Variants in NLRP3 observed in about 807,000 individuals in gnomAD.
NLRP3 encodes NLR family pyrin domain containing 3, also known as NACHT, LRR and PYD domains-containing protein 3.
NLRP3 carries 48 observed loss-of-function variants against 91.3 expected under a neutral mutation model. The ratio of observed to expected loss-of-function variants is 0.53; its 90% confidence interval spans 0.42 to 0.67. The LOEUF (loss-of-function observed/expected upper bound fraction) is 0.67. Ranked by LOEUF, NLRP3 falls within the 30% of genes least tolerant of loss-of-function variation. The pLI, the probability that NLRP3 is intolerant of heterozygous loss-of-function variation, is 0.00. For synonymous variants in NLRP3, 561 were observed against 507.9 expected, an observed-to-expected ratio of 1.10 and a Z score of -1.41; for missense variants, 982 against 1,276.9, an observed-to-expected ratio of 0.77 and a Z score of 3.52.
At chr1:247,440,266 C>G (rs1664117931) in intron 7 of NLRP3, among the ~76,000 whole-genome samples, 1 of 152,094 alleles carries the variant, frequency 6.6e-6, no homozygotes, top group Non-Finnish European at 1.5e-5. Context: ...AATTATCATA[C>G]CCCACCTTCC....
rs1209804180 is a variant in NLRP3, at chr1:247,419,162, A to ATTTTTT, written c.277+86_277+87insTTTTTT. 146 of 248,030 alleles carry ATTTTTT rather than the reference A, an allele frequency of 5.9e-4. No individual in the cohort carries two copies. The African/African-American group carries it at 6.1e-3, about 10-fold the overall frequency. 15.4% of individuals were successfully genotyped at this position (248,030 alleles called of 1,614,324 possible). ...TCCATCTTTATATATATATATATAT[A>ATTTTTT]TATTTTTTTTTGAGACGGAGTTGCT... On this transcript the variant is annotated intron_variant, in intron 2 of 9. Transcript: ENST00000336119.
intron 9 of NLRP3, among the ~76,000 whole-genome samples, chr1:247,447,092 C>T (rs1182441794): frequency 6.6e-6 from 1 of 152,228 alleles, no homozygotes; most frequent in East Asian, 1.9e-4. Context: ...ATGCAATCAA[C>T]CCGTTTTCTC....
chr1:247,427,030 C>T (rs1173466200), intron 4 of NLRP3, among the ~76,000 whole-genome samples: 1 of 152,168 alleles, frequency 6.6e-6, no homozygotes, highest in Non-Finnish European at 1.5e-5. Flanking sequence ...GGCTGGTTGG[C>T]TTATAAGCAA....
intron 3 of NLRP3, 41 bp downstream of exon 3, chr1:247,423,390 C>T: frequency 1.2e-6 from 2 of 1,612,246 alleles, no homozygotes; most frequent in Non-Finnish European, 1.7e-6. Flanking sequence ...GTTTTAAGAC[C>T]TGGTTCAGGA....
Position 247,424,934 on chromosome 1 carries a change from G to A in NLRP3, c.1485G>A (p.Ala495=), listed in dbSNP as rs373973057. 1.5e-5 allele frequency: 24 copies of A among 1,613,584 alleles called. No homozygotes were observed. Among genetic ancestry groups the A allele is most frequent in the East Asian group, 8.9e-5 (4 of 44,898 alleles). Residue 495 remains alanine, a synonymous_variant, in exon 4 of 10, where the codon GCG becomes GCA. Transcript: ENST00000336119. The surrounding 1 kb of genome is among the most constrained non-coding windows in gnomAD (Gnocchi z 8.1). The part of the protein sequence containing the change: ...SDLRNHGLQK[A]DVSAFLRMNL... ...TCAGGAATCATGGACTGCAGAAGGC[G>A]GATGTGTCTGCTTTCCTGAGGATGA...
Position 247,448,719 on chromosome 1 carries a change from G to A in NLRP3, c.*215G>A. On this transcript the variant is annotated 3_prime_UTR_variant, in exon 10 of 10. Transcript: ENST00000336119. ...TGAGGAAGACACCAGGACAATGACA[G>A]CATCGGGTGTTGTTGTCATCACAGC... 1.6e-6 allele frequency: 1 copy of A among 606,170 alleles called. No homozygotes were observed. Among genetic ancestry groups the A allele is most frequent in the Admixed American group, 2.6e-5 (1 of 37,934 alleles). 37.5% of individuals were successfully genotyped at this position (606,170 alleles called of 1,614,324 possible). A position where few individuals can be genotyped will look rare whatever the true frequency, so the allele number is the denominator to read the frequency against.
chr1:247,417,285 A>G (rs1381068629), intron 1 of NLRP3, among the ~76,000 whole-genome samples: 1 of 152,022 alleles, frequency 6.6e-6, no homozygotes, highest in African/African-American at 2.4e-5. Flanking sequence ...TAGTCCCCCT[A>G]AGACTCAGTT....
chr1:247,424,117 A>AG lies in NLRP3; in HGVS notation c.673dup (p.Ala225GlyfsTer28). 1 of 1,614,056 alleles carries AG rather than the reference A, an allele frequency of 6.2e-7. No individual in the cohort carries two copies. Among genetic ancestry groups the AG allele is most frequent in the Non-Finnish European group, 8.5e-7 (1 of 1,180,006 alleles). ...GAGCCTGTGCACACCGTGGTGTTCC[A>AG]GGGGGCGGCAGGGATTGGGAAAACA... On this transcript the variant is annotated frameshift_variant, in exon 4 of 10. Transcript: ENST00000336119. LOFTEE classifies it high-confidence loss of function. The surrounding 1 kb of genome is among the most constrained non-coding windows in gnomAD (Gnocchi z 8.1).
intron 5 of NLRP3, among the ~76,000 whole-genome samples, chr1:247,431,779 G>A (rs541477464): frequency 2.6e-5 from 4 of 152,278 alleles, no homozygotes; most frequent in African/African-American, 9.6e-5. Flanking sequence ...AATGCTTTCT[G>A]TCTGCTCTGC....
At chr1:247,444,894 C>T in intron 9 of NLRP3, 73 bp downstream of exon 9, 2 of 1,501,138 alleles carry the variant, frequency 1.3e-6, no homozygotes, top group Non-Finnish European at 1.8e-6. Context: ...TATCAAAATC[C>T]AGGATGGCTC....
chr1:247,437,350 G>T lies in NLRP3; in HGVS notation c.2663+1210G>T, dbSNP rs193272023. Among the ~76,000 whole-genome samples the T allele has an allele frequency of 8.5e-5, 13 of 152,260 alleles. No individual in the cohort carries two copies. The East Asian group carries it at 2.3e-3, about 27-fold the overall frequency. On this transcript the variant is annotated intron_variant, in intron 7 of 9. Coordinates refer to ENST00000336119, the MANE Select transcript of NLRP3 (RefSeq NM_001243133.2). Reference sequence around the variant, plus strand: ...ATTCAAGACAAAATTTGGCAGGAAAGGTCTTCCCAGAGGAGTAATCCACTA... The same window carrying T: ...ATTCAAGACAAAATTTGGCAGGAAATGTCTTCCCAGAGGAGTAATCCACTA...
At chr1:247,429,830 G>A (rs1160936466) in intron 5 of NLRP3, 75 bp downstream of exon 5, 1 of 1,549,564 alleles carries the variant, frequency 6.5e-7, no homozygotes, top group African/African-American at 1.4e-5. Flanking sequence ...ACTGGAGAAA[G>A]ATCTTCAGGA....
At position 247,423,832 on chromosome 1, in the gene NLRP3, C is replaced by T. The variant is rs200906786; in HGVS notation, c.398-15C>T. 7.9e-5 allele frequency: 128 copies of T among 1,612,422 alleles called. No individual in the cohort carries two copies. Among genetic ancestry groups the T allele is most frequent in the Admixed American group, 8.4e-5 (5 of 59,860 alleles). On this transcript the variant is annotated splice_polypyrimidine_tract_variant and intron_variant, in intron 3 of 9. Coordinates refer to ENST00000336119, the MANE Select transcript of NLRP3 (RefSeq NM_001243133.2). The stretch of plus-strand genomic sequence containing the variant: ...GTGTGTATACTTTCCCCCTAACTTC[C>T]TGTCTTTGCCGTAGATTACCGTAAG...
chr1:247,444,019 C>T lies in NLRP3; in HGVS notation c.2711C>T (p.Ser904Leu), dbSNP rs200590698. 18 of 1,614,008 alleles carry T rather than the reference C, an allele frequency of 1.1e-5. No individual in the cohort carries two copies. Among genetic ancestry groups the T allele is most frequent in the South Asian group, 4.4e-5 (4 of 91,072 alleles). Residue 904 changes from serine (S) to leucine (L), a missense_variant, in exon 8 of 10, where the codon TCG becomes TTG. By Grantham distance (145) the Ser-to-Leu change is moderately radical. Around this residue, in one of 5 missense-constraint regions of NLRP3, gnomAD observed 373 missense variants for 431.5 expected, o/e 0.86. Coordinates refer to ENST00000336119, the MANE Select transcript of NLRP3 (RefSeq NM_001243133.2). Reference protein sequence around the residue: ...LTSVCCSALSSVLSTNQNLTH... With the variant: ...LTSVCCSALSLVLSTNQNLTH... ...TCAGTCTGTTGTTCAGCTTTGTCCT[C>T]GGTACTCAGCACTAATCAGAATCTC...
At chr1:247,433,422 G>T (rs905874029) in intron 5 of NLRP3, among the ~76,000 whole-genome samples, 4 of 152,158 alleles carry the variant, frequency 2.6e-5, no homozygotes, top group Admixed American at 2.6e-4. Context: ...GGCCCACACC[G>T]CCCGCTTCAC....
At chr1:247,427,641 C>A (rs61841180) in intron 4 of NLRP3, among the ~76,000 whole-genome samples, 41 of 143,452 alleles carry the variant, frequency 2.9e-4, no homozygotes, top group East Asian at 1.1e-3. Flanking sequence ...AGGCTCAGCA[C>A]CCATTTCTCT....
intron 5 of NLRP3, among the ~76,000 whole-genome samples, chr1:247,430,892 C>T (rs368927620): frequency 2.6e-5 from 4 of 152,020 alleles, no homozygotes; most frequent in African/African-American, 9.7e-5. Flanking sequence ...TCAGCTCCCC[C>T]GAGTAGCTGG....
intron 7 of NLRP3, among the ~76,000 whole-genome samples, chr1:247,441,372 C>G (rs1316496787): frequency 1.3e-5 from 2 of 151,966 alleles, no homozygotes; most frequent in Non-Finnish European, 2.9e-5. Context: ...TTCTGACTAG[C>G]TAGGACTACA....
chr1:247,446,090 CG>C (rs1449669716), intron 9 of NLRP3, among the ~76,000 whole-genome samples: 5 of 152,160 alleles, frequency 3.3e-5, no homozygotes, highest in African/African-American at 1.2e-4. Flanking sequence ...CCAAGTTGCT[CG>C]GGCCAAAACA....
Sources: gnomAD v4.1 joint callset for allele counts (sites outside exome capture counted in the v4.1 genomes callset) on GRCh38, gnomAD v4.1.1 for gene constraint, gnomAD v4.1.1 regional missense constraint, Gnocchi (gnomAD v3.1) non-coding constraint, MANE v1.5 for transcripts, NCBI Gene and HGNC (gene_info 2026-07-23, HGNC 2026-07-21) for gene names.